Variants in OCLN observed in about 807,000 individuals in gnomAD.
OCLN encodes the protein occludin.
A neutral mutation model predicts 47.9 loss-of-function variants in OCLN; 21 were observed. The ratio of observed to expected loss-of-function variants is 0.44; its 90% CI spans 0.31 to 0.63. The LOEUF (loss-of-function observed/expected upper bound fraction) is 0.63. Among genes scored for constraint, OCLN ranks in the 30% least tolerant of loss-of-function variants. The pLI, the probability that OCLN is intolerant of heterozygous loss-of-function variation, is 0.08. For synonymous variants in OCLN, 117 were observed against 198.4 expected, an observed-to-expected ratio of 0.59 and a Z score of 3.45; for missense variants, 360 against 571.0, an observed-to-expected ratio of 0.63 and a Z score of 3.77.
Position 69,499,977 on chromosome 5 carries a change from G to A in OCLN, c.-68-4200G>A, listed in dbSNP as rs377593596. Among the ~76,000 whole-genome samples the A allele has an allele frequency of 7.9e-5, 12 of 152,314 alleles. No homozygotes were observed. In the South Asian group the frequency reaches 8.3e-4, roughly 11 times the overall value. On this transcript the variant is annotated intron_variant, in intron 1 of 8. Coordinates refer to ENST00000396442, the MANE Select transcript of OCLN (RefSeq NM_001205254.2). ...AGATAAGGAATTTGTCTCAGATTGC[G>A]AGCCAGTAAATGGGGGCTGTTAAAA... is the stretch of plus-strand genomic sequence containing the variant.
At chr5:69,517,315 T>TATA (rs1491473385) in intron 4 of OCLN, among the ~76,000 whole-genome samples, 4 of 30,470 alleles carry the variant, frequency 1.3e-4, no homozygotes, top group Admixed American at 7.8e-4. Flanking sequence ...TATATATATA[T>TATA]TTTTTTTTTT....
chr5:69,553,565 T>C lies in OCLN; in HGVS notation c.1468-5T>C. The C allele has an allele frequency of 6.2e-7, 1 of 1,613,266 alleles. No homozygotes were observed. Among genetic ancestry groups the C allele is most frequent in the Non-Finnish European group, 8.5e-7 (1 of 1,179,798 alleles). On this transcript the variant is annotated splice_region_variant and splice_polypyrimidine_tract_variant and intron_variant, in intron 8 of 8. Coordinates refer to ENST00000396442, the MANE Select transcript of OCLN (RefSeq NM_001205254.2). The stretch of plus-strand genomic sequence containing the variant: ...ATTTATGTGATTCATTTTCTCCCTT[T>C]TTAGTCTGCAGATTACAAAAGTAAG...
chr5:69,514,383 C>T (rs1197818047), intron 4 of OCLN, among the ~76,000 whole-genome samples: 1 of 151,994 alleles, frequency 6.6e-6, no homozygotes, highest in Non-Finnish European at 1.5e-5. Context: ...TTGGCCTTTG[C>T]AAAACAAAAA....
intron 3 of OCLN, 125 bp from the exon 4 acceptor site, chr5:69,513,823 A>G (rs1270425614): frequency 3.6e-6 from 3 of 835,488 alleles, no homozygotes; most frequent in South Asian, 1.5e-5. Flanking sequence ...TCAGTTTTCT[A>G]TCAATTAAAC....
At chr5:69,516,954 G>C (rs941223541) in intron 4 of OCLN, among the ~76,000 whole-genome samples, 1 of 152,172 alleles carries the variant, frequency 6.6e-6, no homozygotes, top group African/African-American at 2.4e-5. Flanking sequence ...CAGCTACTCA[G>C]GAGGCTGAGG....
chr5:69,507,952 T>G (rs1768653968), intron 2 of OCLN, among the ~76,000 whole-genome samples: 1 of 152,236 alleles, frequency 6.6e-6, no homozygotes, highest in Non-Finnish European at 1.5e-5. Context: ...CTTGTATATC[T>G]AAAACATTAC....
intron 1 of OCLN, among the ~76,000 whole-genome samples, chr5:69,495,920 C>T (rs950804732): frequency 6.6e-6 from 1 of 152,040 alleles, no homozygotes; most frequent in African/African-American, 2.4e-5. Flanking sequence ...TGGATTGACA[C>T]CTTTATTGTA....
intron 4 of OCLN, among the ~76,000 whole-genome samples, chr5:69,517,768 C>T (rs939545894): frequency 5.9e-5 from 9 of 152,082 alleles, no homozygotes; most frequent in African/African-American, 2.2e-4. Context: ...TCTTATGTCC[C>T]TGCCCTTGAC....
intron 4 of OCLN, among the ~76,000 whole-genome samples, chr5:69,528,349 G>A (rs555463972): frequency 8.5e-5 from 13 of 152,190 alleles, no homozygotes; most frequent in Admixed American, 3.9e-4. Flanking sequence ...TCACCAAGCT[G>A]GGAAAATCCT....
intron 6 of OCLN, among the ~76,000 whole-genome samples, chr5:69,547,175 A>C (rs533307342): frequency 6.6e-6 from 1 of 151,558 alleles, no homozygotes; most frequent in East Asian, 1.9e-4. Context: ...TAAATAAACC[A>C]GTCTGAAAAC....
At chr5:69,511,837 C>T (rs899027376) in intron 3 of OCLN, among the ~76,000 whole-genome samples, 1 of 152,012 alleles carries the variant, frequency 6.6e-6, no homozygotes, top group Non-Finnish European at 1.5e-5. Flanking sequence ...CCAGCCTGGC[C>T]AACATGGTGA....
At chr5:69,530,003 C>T (rs1355285193) in intron 4 of OCLN, among the ~76,000 whole-genome samples, 1 of 152,160 alleles carries the variant, frequency 6.6e-6, no homozygotes, top group East Asian at 1.9e-4. Flanking sequence ...TACAAAGACA[C>T]TTTGCTGTTT....
chr5:69,516,120 T>C (rs1285077237), intron 4 of OCLN, among the ~76,000 whole-genome samples: 25 of 151,738 alleles, frequency 1.6e-4, no homozygotes, highest in African/African-American at 4.6e-4. Flanking sequence ...GCTGCAATCT[T>C]GGCACTTTGG....
At chr5:69,518,652 T>A (rs1769043369) in intron 4 of OCLN, among the ~76,000 whole-genome samples, 1 of 152,234 alleles carries the variant, frequency 6.6e-6, no homozygotes, top group African/African-American at 2.4e-5. Context: ...TGTGTCATCC[T>A]GCATCTAAAC....
chr5:69,517,554 C>T (rs1001494545), intron 4 of OCLN, among the ~76,000 whole-genome samples: 1 of 151,934 alleles, frequency 6.6e-6, no homozygotes, highest in Non-Finnish European at 1.5e-5. Flanking sequence ...CTCAAGTGAT[C>T]TGCCTGCCTT....
chr5:69,494,556 C>A (rs1326974231), intron 1 of OCLN, among the ~76,000 whole-genome samples: 2 of 152,178 alleles, frequency 1.3e-5, no homozygotes, highest in African/African-American at 4.8e-5. Context: ...GAGATATTTC[C>A]TCAAACAAAG....
At chr5:69,528,508 C>A (rs1265439782) in intron 4 of OCLN, among the ~76,000 whole-genome samples, 7 of 152,116 alleles carry the variant, frequency 4.6e-5, no homozygotes, top group African/African-American at 1.2e-4. Context: ...GAGTTTAAGA[C>A]AATGAGAATG....
At chr5:69,548,753 G>T (rs1438480884) in intron 7 of OCLN, among the ~76,000 whole-genome samples, 2 of 150,966 alleles carry the variant, frequency 1.3e-5, no homozygotes, top group African/African-American at 4.9e-5. Flanking sequence ...GAGGTCAGGA[G>T]TTAGAGAATA....
intron 4 of OCLN, among the ~76,000 whole-genome samples, chr5:69,526,102 C>T (rs759380007): frequency 6.6e-6 from 1 of 152,182 alleles, no homozygotes; most frequent in Non-Finnish European, 1.5e-5. Context: ...AGTTCTCAAA[C>T]TTTTGCAGGC....
Sources: gnomAD v4.1 joint callset for allele counts (sites outside exome capture counted in the v4.1 genomes callset) on GRCh38, gnomAD v4.1.1 for gene constraint, MANE v1.5 for transcripts, NCBI Gene and HGNC (gene_info 2026-07-23, HGNC 2026-07-21) for gene names.